Variants in GALNT13 observed in about 807,000 individuals in gnomAD.
GALNT13 encodes the protein polypeptide N-acetylgalactosaminyltransferase 13, also known as UDP-GalNAc:polypeptide N-acetylgalactosaminyltransferase 13.
In GALNT13, 28 loss-of-function variants were observed where a neutral mutation model predicts 64.2. The ratio of observed to expected loss-of-function variants is 0.44; its 90% confidence interval spans 0.32 to 0.60. GALNT13 has a LOEUF of 0.60. Ranked by LOEUF, GALNT13 falls within the 20% of genes least tolerant of loss-of-function variation. The pLI is 0.05. For synonymous variants in GALNT13, 214 were observed against 224.6 expected (o/e 0.95, Z 0.42); for missense variants, 577 against 669.8 (o/e 0.86, Z 1.53).
rs142909105 is a variant in GALNT13 at position 154,358,212 on chromosome 2, C to A, written c.1157-37779C>A. On this transcript the variant is annotated intron_variant, in intron 9 of 12. Transcript: ENST00000392825. ...AGTTCTCTTACCATGGAAGTGTGAT[C>A]CAGTTATCTTTGATATTTCATTTCT... 6.9e-4 allele frequency among the ~76,000 whole-genome samples: 105 copies of A among 152,216 alleles called. 1 individual carries two copies. In the Middle Eastern group the frequency reaches 0.02, roughly 30 times the overall value.
the GALNT13 span, among the ~76,000 whole-genome samples, chr2:153,119,564 G>T: frequency 6.6e-6 from 1 of 152,148 alleles, no homozygotes; most frequent in Non-Finnish European, 1.5e-5. Context: ...TAGTGCCCCA[G>T]ATATGTATTT....
intron 4 of GALNT13, among the ~76,000 whole-genome samples, chr2:154,177,951 G>T (rs1312836582): frequency 6.6e-6 from 1 of 152,058 alleles, no homozygotes; most frequent in African/African-American, 2.4e-5. Flanking sequence ...TATACTTCTG[G>T]CTTCTGAACC....
At chr2:154,314,530 G>A (rs1229187966) in intron 9 of GALNT13, among the ~76,000 whole-genome samples, 2 of 152,262 alleles carry the variant, frequency 1.3e-5, no homozygotes, top group African/African-American at 4.8e-5. Context: ...AGCTCTGCAG[G>A]CTGTACAAGA....
At chr2:153,287,578 G>A in the GALNT13 span, among the ~76,000 whole-genome samples, 1 of 152,096 alleles carries the variant, frequency 6.6e-6, no homozygotes, top group Non-Finnish European at 1.5e-5. Context: ...CGGGGTTTGG[G>A]CCATTCAGCT....
chr2:153,763,707 G>A, the GALNT13 span, among the ~76,000 whole-genome samples: 24 of 152,200 alleles, frequency 1.6e-4, no homozygotes. Context: ...CCAGGAACTA[G>A]TGGGGTACTG....
intron 7 of GALNT13, among the ~76,000 whole-genome samples, chr2:154,251,299 G>A (rs62171205): frequency 0.031 from 4,743 of 152,044 alleles, 93 homozygotes; most frequent in East Asian, 0.1. Flanking sequence ...ATTAAAATTT[G>A]CACCAATTAC....
At position 154,453,896 on chromosome 2, in the gene GALNT13, A is replaced by G. The variant is rs1036010800; in HGVS notation, c.*3345A>G. ...TTCTTCCTAATATTCTTCACATTAA[A>G]CTATGGACTCTAATTTTCTGGATAA... On this transcript the variant is annotated 3_prime_UTR_variant, in exon 13 of 13. Coordinates refer to ENST00000392825, the MANE Select transcript of GALNT13 (RefSeq NM_052917.4). 1 of 152,148 alleles carries G rather than the reference A, an allele frequency of 6.6e-6. No homozygotes were observed. Among genetic ancestry groups the G allele is most frequent in the Admixed American group, 6.6e-5 (1 of 15,252 alleles). 9.4% of individuals were successfully genotyped at this position (152,148 alleles called of 1,614,324 possible). A position where few individuals can be genotyped will look rare whatever the true frequency, so the allele number is the denominator to read the frequency against.
intron 4 of GALNT13, chr2:154,236,265 A>G (rs2105857660): frequency 1.5e-6 from 1 of 656,978 alleles, no homozygotes; most frequent in South Asian, 5.5e-5. Flanking sequence ...GCATAAGCCT[A>G]AAGGTTTTAC....
intron 8 of GALNT13, among the ~76,000 whole-genome samples, chr2:154,298,660 T>TTTATATATACAATGTATATATAAA (rs1574044677): frequency 3.7e-5 from 2 of 53,898 alleles, no homozygotes; most frequent in East Asian, 5.7e-4. Context: ...GTATATACAA[T>TTTATATATACAATGTATATATAAA]TTATATATAC....
intron 9 of GALNT13, among the ~76,000 whole-genome samples, chr2:154,379,026 T>C (rs539101687): frequency 4.6e-5 from 7 of 152,152 alleles, no homozygotes; most frequent in Middle Eastern, 3.4e-3. Flanking sequence ...AATGAAACCA[T>C]AATAACGGCA....
chr2:153,462,664 A>G, the GALNT13 span, among the ~76,000 whole-genome samples: 16 of 152,144 alleles, frequency 1.1e-4, no homozygotes, highest in African/African-American at 3.9e-4. Context: ...GTTTAGAATC[A>G]AAGGAAATGA....
intron 8 of GALNT13, among the ~76,000 whole-genome samples, chr2:154,291,112 G>A (rs550631706): frequency 3.3e-5 from 5 of 152,202 alleles, no homozygotes; most frequent in Admixed American, 6.5e-5. Context: ...AGGTTGCCGC[G>A]GCTGGCTTGG....
chr2:153,332,538 T>G, the GALNT13 span, among the ~76,000 whole-genome samples: 4 of 151,344 alleles, frequency 2.6e-5, no homozygotes, highest in East Asian at 5.8e-4. Context: ...AGTATTGTTT[T>G]TTTTTTTTTT....
the GALNT13 span, among the ~76,000 whole-genome samples, chr2:153,082,708 T>C: frequency 7.1e-6 from 1 of 140,568 alleles, no homozygotes; most frequent in Non-Finnish European, 1.5e-5. Flanking sequence ...TTAATAAATA[T>C]AAAAATATAA....
chr2:154,325,539 T>A (rs1694833824), intron 9 of GALNT13, among the ~76,000 whole-genome samples: 1 of 152,158 alleles, frequency 6.6e-6, no homozygotes, highest in Non-Finnish European at 1.5e-5. Flanking sequence ...ACTTTTTACT[T>A]ATATTAATCA....
intron 8 of GALNT13, among the ~76,000 whole-genome samples, chr2:154,297,669 G>A (rs566345538): frequency 5.1e-4 from 77 of 152,180 alleles, no homozygotes; most frequent in South Asian, 4.6e-3. Flanking sequence ...TTATGGCAGC[G>A]CAAGCAAACG....
chr2:153,121,829 T>TAGGG, the GALNT13 span, among the ~76,000 whole-genome samples: 2 of 152,202 alleles, frequency 1.3e-5, no homozygotes, highest in African/African-American at 4.8e-5. Context: ...CTACTGCATT[T>TAGGG]TTTACGACAC....
At chr2:154,017,493 G>A (rs2105266283) in intron 3 of GALNT13, among the ~76,000 whole-genome samples, 1 of 152,174 alleles carries the variant, frequency 6.6e-6, no homozygotes, top group African/African-American at 2.4e-5. Flanking sequence ...CACCACTTTA[G>A]TACTTACTTA....
chr2:154,315,871 C>T (rs921017986), intron 9 of GALNT13, among the ~76,000 whole-genome samples: 4 of 152,120 alleles, frequency 2.6e-5, no homozygotes, highest in Admixed American at 6.6e-5. Flanking sequence ...AACCGGATCA[C>T]AAGGTCAGGA....
Sources: gnomAD v4.1 joint callset for allele counts (sites outside exome capture counted in the v4.1 genomes callset) on GRCh38, gnomAD v4.1.1 for gene constraint, MANE v1.5 for transcripts, NCBI Gene and HGNC (gene_info 2026-07-23, HGNC 2026-07-21) for gene names.